MED12L: variants seen among roughly 807,000 people sequenced by gnomAD.
The protein encoded by MED12L is mediator of RNA polymerase II transcription subunit 12-like protein.
Under a neutral mutation model 281.3 loss-of-function variants are expected in MED12L, and 60 were observed. That is an observed-to-expected ratio of 0.21 (90% CI 0.17 to 0.26). The LOEUF is 0.26. MED12L is among the 10% of genes least tolerant of loss of function. The pLI is 1.00. For synonymous variants in MED12L, 974 were observed against 987.2 expected (o/e 0.99, Z 0.25); for missense variants, 2,146 against 2,680.9 (o/e 0.80, Z 4.41).
chr3:151,291,860 C>G (rs1744296821), intron 16 of MED12L, among the ~76,000 whole-genome samples: 2 of 152,010 alleles, frequency 1.3e-5, no homozygotes, highest in Non-Finnish European at 2.9e-5. Context: ...TGTCATATGA[C>G]TTTTAAAAAA....
intron 16 of MED12L, among the ~76,000 whole-genome samples, chr3:151,319,217 A>G (rs982453493): frequency 6.6e-6 from 1 of 152,216 alleles, no homozygotes; most frequent in African/African-American, 2.4e-5. Flanking sequence ...AAGAGCAGCT[A>G]ACAGCCAGCC....
chr3:151,223,322 C>T (rs1729788209), intron 16 of MED12L, among the ~76,000 whole-genome samples: 1 of 152,064 alleles, frequency 6.6e-6, no homozygotes, highest in Non-Finnish European at 1.5e-5. Flanking sequence ...CCATTTCACC[C>T]AGCAATCCCA....
intron 16 of MED12L, among the ~76,000 whole-genome samples, chr3:151,205,231 A>T (rs1726179750): frequency 6.6e-6 from 1 of 152,200 alleles, no homozygotes; most frequent in Non-Finnish European, 1.5e-5. Context: ...TACACACCCA[A>T]GCGGGAAGAA....
At chr3:151,327,850 T>A (rs1749830084) in intron 16 of MED12L, 1 of 613,682 alleles carries the variant, frequency 1.6e-6, no homozygotes, top group African/African-American at 1.9e-5. Context: ...GGATTTAAAT[T>A]TTATATAATC....
At chr3:151,133,846 C>A (rs1204416787) in intron 5 of MED12L, among the ~76,000 whole-genome samples, 1 of 152,172 alleles carries the variant, frequency 6.6e-6, no homozygotes. Context: ...GTAAAACTCA[C>A]ATTGAGTTAT....
chr3:151,129,914 G>A (rs563134360), intron 5 of MED12L, among the ~76,000 whole-genome samples: 2 of 152,086 alleles, frequency 1.3e-5, no homozygotes, highest in East Asian at 3.9e-4. Flanking sequence ...GACTATAGGC[G>A]TGTGTCACCA....
In MED12L at chr3:151,253,502, G is replaced by A. The variant is rs977461509; in HGVS notation, c.2250+59836G>A. 3.2e-4 allele frequency among the ~76,000 whole-genome samples: 48 copies of A among 152,144 alleles called. 1 individual carries two copies. Among genetic ancestry groups the A allele is most frequent in the African/African-American group, 1.1e-3 (45 of 41,448 alleles). On this transcript the variant is annotated intron_variant, in intron 16 of 44. Transcript: ENST00000687756. ...TGGGCCCTCTTAAATTTCAACTTTA[G>A]TGGAGCTTTCCTTTATGTTCTTACT...
At chr3:151,180,993 CT>C (rs1226949422) in intron 11 of MED12L, among the ~76,000 whole-genome samples, 1 of 151,442 alleles carries the variant, frequency 6.6e-6, no homozygotes, top group Non-Finnish European at 1.5e-5. Context: ...TAAAAAAATT[CT>C]TTCCTAAATG....
chr3:151,240,441 G>A (rs947750100), intron 16 of MED12L, among the ~76,000 whole-genome samples: 1 of 152,194 alleles, frequency 6.6e-6, no homozygotes, highest in Non-Finnish European at 1.5e-5. Flanking sequence ...GCTGCTGCGT[G>A]CCAGGTACTA....
chr3:151,328,749 CAGAG>C, intron 16 of MED12L: 1 of 1,613,918 alleles, frequency 6.2e-7, no homozygotes, highest in Non-Finnish European at 8.5e-7. Flanking sequence ...AGGTGTGAGT[CAGAG>C]AGGATTTTGA....
chr3:151,416,039 G>A (rs750995611), intron 42 of MED12L, among the ~76,000 whole-genome samples: 33 of 152,140 alleles, frequency 2.2e-4, no homozygotes, highest in Non-Finnish European at 4.3e-4. Flanking sequence ...GGATGGCCCC[G>A]GACAGCGCAG....
intron 43 of MED12L, 91 bp downstream of exon 43, chr3:151,416,513 C>A: frequency 7.1e-7 from 1 of 1,412,586 alleles, no homozygotes; most frequent in Non-Finnish European, 9.7e-7. Flanking sequence ...TAAGAATCGA[C>A]AAAGCCTAAG....
rs1001383753 is a variant in MED12L at position 151,085,916 on chromosome 3, C to T, written c.-150C>T. 6.6e-6 allele frequency: 1 copy of T among 152,084 alleles called. No homozygotes were observed. The highest frequency in any genetic ancestry group is 1.5e-5 in the Non-Finnish European group (1 of 68,008). 9.4% of individuals were successfully genotyped at this position (152,084 alleles called of 1,614,324 possible). On this transcript the variant is annotated 5_prime_UTR_variant, in exon 1 of 45. Transcript: ENST00000687756. Reference sequence around the variant, plus strand: ...TGACCCCGCCGCCGCCAGCCCCAGCCCGCTAGCCGCGGACCAACAGGTAAA... The same window carrying T: ...TGACCCCGCCGCCGCCAGCCCCAGCTCGCTAGCCGCGGACCAACAGGTAAA...
At chr3:151,358,781 G>T (rs138985934) in intron 20 of MED12L, among the ~76,000 whole-genome samples, 1 of 152,066 alleles carries the variant, frequency 6.6e-6, no homozygotes, top group Non-Finnish European at 1.5e-5. Flanking sequence ...ACTGGATTAC[G>T]ATGTGAAATG....
At chr3:151,317,194 G>A (rs1219900346) in intron 16 of MED12L, among the ~76,000 whole-genome samples, 1 of 152,068 alleles carries the variant, frequency 6.6e-6, no homozygotes, top group Non-Finnish European at 1.5e-5. Flanking sequence ...AAAGAGTATT[G>A]TTGTAATTGA....
At chr3:151,295,024 G>A in intron 16 of MED12L, 1 of 1,613,216 alleles carries the variant, frequency 6.2e-7, no homozygotes, top group Non-Finnish European at 8.5e-7. Flanking sequence ...ATATGAAGCT[G>A]GTTTTATTCC....
intron 16 of MED12L, chr3:151,336,572 G>A (rs1577361337): frequency 2.2e-6 from 1 of 455,802 alleles, no homozygotes; most frequent in African/African-American, 2.0e-5. Flanking sequence ...ATTGAGATAA[G>A]TGATGTAAAC....
intron 16 of MED12L, among the ~76,000 whole-genome samples, chr3:151,345,239 C>T (rs927540184): frequency 2.6e-5 from 4 of 152,126 alleles, no homozygotes; most frequent in Non-Finnish European, 4.4e-5. Flanking sequence ...AAAGAGGTAG[C>T]CTGACGTCTC....
chr3:151,185,525 T>A (rs556719002), intron 12 of MED12L, 64 bp downstream of exon 12: 41 of 1,551,666 alleles, frequency 2.6e-5, no homozygotes, highest in Non-Finnish European at 3.5e-5. Context: ...TTGGGGAAGA[T>A]CATTTTCTCT....
Sources: gnomAD v4.1 joint callset for allele counts (sites outside exome capture counted in the v4.1 genomes callset) on GRCh38, gnomAD v4.1.1 for gene constraint, MANE v1.5 for transcripts, NCBI Gene and HGNC (gene_info 2026-07-23, HGNC 2026-07-21) for gene names.